Variants in CUBN observed in about 807,000 individuals in gnomAD.
The protein encoded by CUBN is cubilin.
In CUBN, 282 loss-of-function variants were observed where a neutral mutation model predicts 405.3. That is an observed-to-expected ratio of 0.70 (90% CI 0.63 to 0.77). The LOEUF is 0.77. Among genes scored for constraint, CUBN ranks in the 30% least tolerant of loss-of-function variants. The probability of loss-of-function intolerance (pLI) is 0.00; values close to 1 mark genes in which losing one functional copy is unlikely to be tolerated. For missense variants in CUBN, 4,514 were observed against 4,475.2 expected, an observed-to-expected ratio of 1.01 and a Z score of -0.25; for synonymous variants, 1,684 against 1,617.0, an observed-to-expected ratio of 1.04 and a Z score of -0.99.
At chr10:16,828,774 A>C in intron 66 of CUBN, 31 bp downstream of exon 66, 1 of 1,506,592 alleles carries the variant, frequency 6.6e-7, no homozygotes, top group East Asian at 2.3e-5. Flanking sequence ...AAAAATAACA[A>C]ATGGGAATAT....
intron 59 of CUBN, among the ~76,000 whole-genome samples, chr10:16,854,880 G>T (rs902139835): frequency 4.0e-5 from 6 of 151,786 alleles, no homozygotes; most frequent in Non-Finnish European, 8.8e-5. Flanking sequence ...CATGGATTGA[G>T]TGGTAAATTG....
intron 59 of CUBN, among the ~76,000 whole-genome samples, chr10:16,863,839 C>T (rs1840086062): frequency 6.6e-6 from 1 of 152,124 alleles, no homozygotes; most frequent in Non-Finnish European, 1.5e-5. Flanking sequence ...TTCTGCCACT[C>T]CCACTGTCTT....
chr10:16,832,793 C>T (rs1434882583), intron 64 of CUBN, among the ~76,000 whole-genome samples: 6 of 152,092 alleles, frequency 3.9e-5, no homozygotes, highest in Admixed American at 3.9e-4. Context: ...GTCTAGAGCT[C>T]GGCCCTCGCT....
At chr10:16,933,338 C>T (rs1477248376) in intron 39 of CUBN, 54 bp from the exon 40 acceptor site, 1 of 1,540,794 alleles carries the variant, frequency 6.5e-7, no homozygotes, top group Non-Finnish European at 8.9e-7. Flanking sequence ...AAGACGCTAG[C>T]TAGCACTTTT....
rs80190223 is a variant in CUBN at position 17,122,668 on chromosome 10, A to C, written c.593+127T>G. 9 of 698,696 alleles carry C rather than the reference A, an allele frequency of 1.3e-5. No individual in the cohort carries two copies. The East Asian group carries it at 2.4e-4, about 19-fold the overall frequency. The allele number at this position is 698,696 out of a possible 1,614,324, so 43.3% of individuals were successfully genotyped here. On this transcript the variant is annotated intron_variant, in intron 6 of 66. Coordinates refer to ENST00000377833, the MANE Select transcript of CUBN (RefSeq NM_001081.4). ...TATGTAGACGTTAAGCAAGAGCTAA[A>C]TATTTCCTCATGGAGTACCAACTTT...
At chr10:16,916,054 A>G (rs767535846) in intron 45 of CUBN, 24 bp from the exon 46 acceptor site, 1 of 1,601,410 alleles carries the variant, frequency 6.2e-7, no homozygotes, top group South Asian at 1.1e-5. Flanking sequence ...AAATAAATAA[A>G]TAAATAAGAA....
At position 17,067,773 on chromosome 10, in the gene CUBN, TG is replaced by T. The variant is rs1835644542; in HGVS notation, c.3008+290del. Among the ~76,000 whole-genome samples, 3 of 151,920 alleles carry T rather than the reference TG, an allele frequency of 2.0e-5. No homozygotes were observed. The South Asian group carries it at 6.2e-4, about 32-fold the overall frequency. Reference sequence around the variant, plus strand: ...AAGTAGATTTGTGGTTTCCTGTGGGTGGGGGTGAGGAACAAAAGCAAGGAAT... The same window carrying T: ...AAGTAGATTTGTGGTTTCCTGTGGGTGGGGTGAGGAACAAAAGCAAGGAAT... On this transcript the variant is annotated intron_variant, in intron 21 of 66. Transcript: ENST00000377833.
At chr10:16,825,181 T>G (rs1448858824) in intron 66 of CUBN, 99 bp from the exon 67 acceptor site, 8 of 777,990 alleles carry the variant, frequency 1.0e-5, no homozygotes, top group Non-Finnish European at 1.5e-5. Context: ...TAAAGAAACT[T>G]TATAGAATTT....
rs941664884 is a variant in CUBN, at chr10:16,962,434, C to A, written c.4696-7886G>T. 3.3e-5 allele frequency among the ~76,000 whole-genome samples: 5 copies of A among 150,970 alleles called. No individual in the cohort carries two copies. The South Asian group carries it at 1.1e-3, about 32-fold the overall frequency. ...GGAGAGATAAGAAGTGAAAATTTTCCAACTGGAGATTGTAGGGGTGGGGGG... is the reference window on the plus strand; with the variant it reads ...GGAGAGATAAGAAGTGAAAATTTTCAAACTGGAGATTGTAGGGGTGGGGGG... On this transcript the variant is annotated intron_variant, in intron 31 of 66. Coordinates refer to ENST00000377833, the MANE Select transcript of CUBN (RefSeq NM_001081.4).
chr10:16,858,936 C>T (rs1839940124), intron 59 of CUBN, among the ~76,000 whole-genome samples: 1 of 152,224 alleles, frequency 6.6e-6, no homozygotes, highest in South Asian at 2.1e-4. Context: ...AAAAAACTGA[C>T]TTCCACCTAA....
intron 28 of CUBN, among the ~76,000 whole-genome samples, chr10:16,994,251 G>A (rs373335767): frequency 2.8e-4 from 43 of 152,016 alleles, no homozygotes; most frequent in East Asian, 2.7e-3. Flanking sequence ...CAGTGCTATA[G>A]AAGCCAAGCA....
intron 31 of CUBN, among the ~76,000 whole-genome samples, chr10:16,957,531 A>G (rs60013263): frequency 0.021 from 3,239 of 152,328 alleles, 126 homozygotes; most frequent in African/African-American, 0.075. Flanking sequence ...AGTGAAATCC[A>G]AATCAAAGCC....
At chr10:16,940,569 G>A (rs1281816909) in intron 36 of CUBN, among the ~76,000 whole-genome samples, 1 of 152,148 alleles carries the variant, frequency 6.6e-6, no homozygotes, top group African/African-American at 2.4e-5. Context: ...CAAAGCAGAG[G>A]CATCATATTT....
At chr10:16,926,806 T>TC (rs1842201149) in intron 41 of CUBN, among the ~76,000 whole-genome samples, 5 of 102,558 alleles carry the variant, frequency 4.9e-5, no homozygotes, top group African/African-American at 1.9e-4. Flanking sequence ...GTGAAATTTT[T>TC]TTTTCTATCT....
chr10:16,827,723 T>C (rs1453294625), intron 66 of CUBN, among the ~76,000 whole-genome samples: 1 of 152,208 alleles, frequency 6.6e-6, no homozygotes, highest in Non-Finnish European at 1.5e-5. Context: ...TCCCTCAGCC[T>C]CCGGAGTACT....
chr10:17,084,232 A>G (rs752647141), intron 17 of CUBN, 39 bp downstream of exon 17: 2 of 1,600,230 alleles, frequency 1.2e-6, no homozygotes, highest in Admixed American at 3.3e-5. Flanking sequence ...AAAAATGTTG[A>G]TGAATGTCAT....
At chr10:16,901,583 GTGGCTCACGCCAGTAA>G in intron 51 of CUBN, 124 bp from the exon 52 acceptor site, 1 of 1,296,800 alleles carries the variant, frequency 7.7e-7, no homozygotes, top group South Asian at 1.3e-5. Flanking sequence ...GCCAGGCATG[GTGGCTCACGCCAGTAA>G]TACCAGCACT....
intron 39 of CUBN, among the ~76,000 whole-genome samples, chr10:16,934,119 A>G (rs1429780150): frequency 6.6e-6 from 1 of 152,214 alleles, no homozygotes; most frequent in Non-Finnish European, 1.5e-5. Flanking sequence ...TACTGTGGTC[A>G]TGAGGCTACT....
At chr10:17,105,194 A>G (rs1459468076) in intron 11 of CUBN, among the ~76,000 whole-genome samples, 3 of 152,144 alleles carry the variant, frequency 2.0e-5, no homozygotes, top group Admixed American at 6.5e-5. Context: ...TTAAATGGTA[A>G]TTGTTTTGTA....
Sources: gnomAD v4.1 joint callset for allele counts (sites outside exome capture counted in the v4.1 genomes callset) on GRCh38, gnomAD v4.1.1 for gene constraint, MANE v1.5 for transcripts, NCBI Gene and HGNC (gene_info 2026-07-23, HGNC 2026-07-21) for gene names.